The following PCDHA4 variants were observed in gnomAD, a reference collection of about 807,000 sequenced individuals.
PCDHA4 encodes the protein protocadherin alpha 4.
PCDHA4 carries 49 observed loss-of-function variants against 61.4 expected under a neutral mutation model. That is an observed-to-expected ratio of 0.80 (90% CI 0.63 to 1.01). PCDHA4 has a LOEUF of 1.01. Ranked by LOEUF, PCDHA4 falls within the 50% of genes least tolerant of loss-of-function variation. The pLI is 0.00. For missense variants in PCDHA4, 1,254 were observed against 1,235.8 expected, an observed-to-expected ratio of 1.01 and a Z score of -0.22; for synonymous variants, 590 against 550.3, an observed-to-expected ratio of 1.07 and a Z score of -1.01.
chr5:140,881,414 A>G, intron 1 of PCDHA4: 1 of 936,538 alleles, frequency 1.1e-6, no homozygotes, highest in African/African-American at 1.8e-5. Flanking sequence ...TCAATAGGAT[A>G]TTAGTTCCAG....
At chr5:140,882,113 G>C in intron 1 of PCDHA4, 1 of 1,394,318 alleles carries the variant, frequency 7.2e-7, no homozygotes, top group South Asian at 1.5e-5. Context: ...GAAGAAAGCC[G>C]CCGTTTCTTT....
chr5:140,978,860 A>G, intron 1 of PCDHA4, 89 bp from the exon 2 acceptor site: 1 of 1,598,356 alleles, frequency 6.3e-7, no homozygotes, highest in African/African-American at 1.3e-5. Context: ...GCCTGGAAAT[A>G]TTTAAGGGAG....
chr5:140,826,326 G>A (rs1364617796), intron 1 of PCDHA4, among the ~76,000 whole-genome samples: 1 of 151,980 alleles, frequency 6.6e-6, no homozygotes. Context: ...ATTGTTTTTG[G>A]TTAAGAAATT....
rs2150375688 is a variant in PCDHA4, at chr5:140,844,999, T to C, written c.2385+35427T>C. 8.7e-5 allele frequency among the ~76,000 whole-genome samples: 13 copies of C among 149,338 alleles called. 1 individual carries two copies. Among genetic ancestry groups the C allele is most frequent in the African/African-American group, 4.9e-5 (2 of 40,784 alleles). ...TTGTTTTAAATCTTTTAATCACTTA[T>C]GAACAAATAATGTAATCATTTATGG... On this transcript the variant is annotated intron_variant, in intron 1 of 3. Transcript: ENST00000530339.
At position 140,832,108 on chromosome 5, in the gene PCDHA4, G is replaced by A. The variant is rs1023824002; in HGVS notation, c.2385+22536G>A. The stretch of plus-strand genomic sequence containing the variant: ...TTAAATGCCATGTTCTACATTAAAA[G>A]CAATTTAAAATGTGTGTTTCAAAGT... On this transcript the variant is annotated intron_variant, in intron 1 of 3. Transcript: ENST00000530339. Among the ~76,000 whole-genome samples the A allele has an allele frequency of 1.6e-4, 24 of 152,270 alleles. No homozygotes were observed. The South Asian group carries it at 2.3e-3, about 14-fold the overall frequency.
chr5:140,834,254 G>T (rs1019839548), intron 1 of PCDHA4: 1 of 927,248 alleles, frequency 1.1e-6, no homozygotes, highest in Non-Finnish European at 1.6e-6. Context: ...CTGGAAAGAC[G>T]CTCCACTCTC....
In PCDHA4 at chr5:140,808,422, C is replaced by T. The variant is rs147309851; in HGVS notation, c.1235C>T (p.Ala412Val). 451 of 1,614,150 alleles carry T rather than the reference C, an allele frequency of 2.8e-4. 2 individuals are homozygous for T. In the African/African-American group the frequency reaches 4.3e-3, roughly 15 times the overall value. Residue 412 changes from alanine to valine, a missense_variant, in exon 1 of 4, where the codon GCC becomes GTC. Transcript: ENST00000530339. ...TACTACTCGTTGGTGCTGGACAGTG[C>T]CCTGGACCGCGAGAGCGTGTCAGCC... Reference protein sequence around the residue: ...KNYYSLVLDSALDRESVSAYE... With the variant: ...KNYYSLVLDSVLDRESVSAYE...
chr5:140,887,955 CTTTT>C (rs2061644555), intron 1 of PCDHA4, among the ~76,000 whole-genome samples: 2 of 152,088 alleles, frequency 1.3e-5, no homozygotes, highest in African/African-American at 4.8e-5. Flanking sequence ...GTATAAGATT[CTTTT>C]TGTCTCTTTT....
intron 3 of PCDHA4, among the ~76,000 whole-genome samples, chr5:140,985,246 T>C (rs2097143888): frequency 6.6e-6 from 1 of 152,110 alleles, no homozygotes; most frequent in African/African-American, 2.4e-5. Flanking sequence ...CTAATCTTCT[T>C]ACTCTTTTTT....
chr5:140,829,433 A>G lies in PCDHA4; in HGVS notation c.2385+19861A>G, dbSNP rs2150167809. ...CAGCTTGTCTGTGGAGGTGGCCGAC[A>G]TGAATGACAATGCTCCGGCGTTCGC... On this transcript the variant is annotated intron_variant, in intron 1 of 3. Transcript: ENST00000530339. The G allele has an allele frequency of 1.2e-4, 193 of 1,613,948 alleles. No homozygotes were observed. Among genetic ancestry groups the G allele is most frequent in the African/African-American group, 7.6e-4 (57 of 75,048 alleles).
In PCDHA4 at chr5:140,883,892, G is replaced by C; in HGVS notation, c.2385+74320G>C. ...CCAGGTGAGCGCGCGCGACTCTGGC[G>C]TGCCGCCTCTGGGCAGCAACGTGAC... On this transcript the variant is annotated intron_variant, in intron 1 of 3. Transcript: ENST00000530339. 4 of 1,613,362 alleles carry C rather than the reference G, an allele frequency of 2.5e-6. No homozygotes were observed. The South Asian group carries it at 4.4e-5, about 18-fold the overall frequency.
At chr5:140,915,581 A>G (rs1563006188) in intron 1 of PCDHA4, among the ~76,000 whole-genome samples, 1 of 151,994 alleles carries the variant, frequency 6.6e-6, no homozygotes, top group Non-Finnish European at 1.5e-5. Flanking sequence ...GCCAGGCAAA[A>G]GCACTTGTTC....
intron 2 of PCDHA4, 171 bp downstream of exon 2, chr5:140,979,178 G>T: frequency 1.1e-6 from 1 of 944,140 alleles, no homozygotes; most frequent in Non-Finnish European, 1.3e-6. Flanking sequence ...GATCGCAAAT[G>T]GTCAGTGCCA....
intron 1 of PCDHA4, chr5:140,858,119 C>T (rs1444406371): frequency 4.4e-6 from 7 of 1,597,808 alleles, no homozygotes; most frequent in South Asian, 1.1e-5. Flanking sequence ...CGAGGTGGCC[C>T]TGGTGGATGT....
intron 1 of PCDHA4, among the ~76,000 whole-genome samples, chr5:140,972,288 C>T (rs1263314074): frequency 2.0e-5 from 3 of 150,942 alleles, no homozygotes; most frequent in African/African-American, 4.9e-5. Context: ...CATAGATGTG[C>T]GCCACCGTGT....
intron 1 of PCDHA4, chr5:140,850,389 A>G (rs2150482026): frequency 7.5e-6 from 12 of 1,597,864 alleles, no homozygotes; most frequent in Non-Finnish European, 1.0e-5. Flanking sequence ...GGGCGAGATC[A>G]GCACAACGCG....
Position 140,858,496 on chromosome 5 carries a change from C to T in PCDHA4, c.2385+48924C>T, listed in dbSNP as rs1554151697. 7 of 1,479,962 alleles carry T rather than the reference C, an allele frequency of 4.7e-6. 1 individual carries two copies. 91.7% of individuals were successfully genotyped at this position (1,479,962 alleles called of 1,614,324 possible). ...TTATGAATAATATTTTCTCTTACCG[C>T]ATTTTCTCAAATATGTATCAGAATA... is the stretch of plus-strand genomic sequence containing the variant. On this transcript the variant is annotated intron_variant, in intron 1 of 3. Transcript: ENST00000530339.
chr5:140,868,379 T>C (rs1554161939), intron 1 of PCDHA4: 1 of 152,086 alleles, frequency 6.6e-6, no homozygotes, highest in Non-Finnish European at 1.5e-5. Context: ...CAGTAAAGAA[T>C]GAGAACTATA....
intron 1 of PCDHA4, among the ~76,000 whole-genome samples, chr5:140,959,117 G>A (rs2095468242): frequency 6.6e-6 from 1 of 152,174 alleles, no homozygotes; most frequent in South Asian, 2.1e-4. Flanking sequence ...CCGAAGGTGG[G>A]CGAGGTGAGC....
Sources: allele counts gnomAD v4.1 joint callset (sites outside exome capture counted in the v4.1 genomes callset), GRCh38; gene constraint gnomAD v4.1.1; transcripts MANE v1.5; gene names NCBI Gene and HGNC (gene_info 2026-07-23, HGNC 2026-07-21).